The following MAGI2 variants were observed in gnomAD, a reference collection of about 807,000 sequenced individuals.
MAGI2 encodes membrane associated guanylate kinase, WW and PDZ domain containing 2.
MAGI2 carries 35 observed loss-of-function variants against 133.3 expected under a neutral mutation model. The ratio of observed to expected loss-of-function variants is 0.26; its 90% confidence interval spans 0.20 to 0.35. The LOEUF is 0.35. MAGI2 is among the 10% of genes least tolerant of loss of function. The pLI is 1.00. For missense variants in MAGI2, 1,636 were observed against 1,863.4 expected (o/e 0.88, Z 2.25); for synonymous variants, 729 against 710.6 (o/e 1.03, Z -0.41).
At chr7:78,480,063 G>A (rs1792193746) in intron 6 of MAGI2, among the ~76,000 whole-genome samples, 1 of 151,758 alleles carries the variant, frequency 6.6e-6, no homozygotes, top group South Asian at 2.1e-4. Context: ...TCAAAAACTT[G>A]AAATTGTTTC....
intron 2 of MAGI2, among the ~76,000 whole-genome samples, chr7:78,714,760 A>G (rs1395991512): frequency 6.6e-6 from 1 of 152,206 alleles, no homozygotes; most frequent in East Asian, 1.9e-4. Context: ...TAGGAGGGAA[A>G]TGCAAAGGCT....
intron 18 of MAGI2, among the ~76,000 whole-genome samples, chr7:78,128,036 T>C (rs28621952): frequency 0.16 from 25,067 of 152,086 alleles, 2,153 homozygotes; most frequent in South Asian, 0.22. Context: ...ATTGGTAAAA[T>C]TGGAAACATA....
chr7:78,692,181 G>A (rs898847800), intron 2 of MAGI2, among the ~76,000 whole-genome samples: 1 of 152,188 alleles, frequency 6.6e-6, no homozygotes, highest in African/African-American at 2.4e-5. Context: ...TGGATATCAT[G>A]CTGAAAATGA....
intron 21 of MAGI2, chr7:78,072,760 A>C (rs955887639): frequency 2.5e-6 from 1 of 396,318 alleles, no homozygotes; most frequent in African/African-American, 2.1e-5. Context: ...GGCTCATTGC[A>C]TTCTCAACTT....
chr7:78,924,941 A>T (rs898701199), intron 2 of MAGI2, among the ~76,000 whole-genome samples: 7 of 152,020 alleles, frequency 4.6e-5, no homozygotes, highest in African/African-American at 1.7e-4. Context: ...TGCTTTAATA[A>T]TTGTGCTCTC....
chr7:79,072,302 C>T (rs1452959537), intron 1 of MAGI2, among the ~76,000 whole-genome samples: 1 of 152,100 alleles, frequency 6.6e-6, no homozygotes, highest in African/African-American at 2.4e-5. Context: ...CATGACTCTT[C>T]CAAAGTAATC....
chr7:78,767,902 G>A (rs531896867), intron 2 of MAGI2, among the ~76,000 whole-genome samples: 3 of 152,186 alleles, frequency 2.0e-5, no homozygotes, highest in South Asian at 2.1e-4. Flanking sequence ...AGAACTCATC[G>A]GCATCTTAAA....
At chr7:79,190,894 T>C (rs1585161651) in intron 1 of MAGI2, among the ~76,000 whole-genome samples, 1 of 151,820 alleles carries the variant, frequency 6.6e-6, no homozygotes, top group Non-Finnish European at 1.5e-5. Flanking sequence ...TATTCTTTAA[T>C]AGTTATTAGG....
chr7:78,108,803 T>G (rs1818995557), intron 20 of MAGI2, among the ~76,000 whole-genome samples: 1 of 152,016 alleles, frequency 6.6e-6, no homozygotes, highest in Non-Finnish European at 1.5e-5. Flanking sequence ...CAATATATAC[T>G]CAAAAGGATA....
At chr7:78,884,160 CA>C (rs1218295032) in intron 2 of MAGI2, among the ~76,000 whole-genome samples, 1 of 151,978 alleles carries the variant, frequency 6.6e-6, no homozygotes, top group Non-Finnish European at 1.5e-5. Flanking sequence ...ACAAAACAAG[CA>C]AAAAACCAAT....
intron 2 of MAGI2, among the ~76,000 whole-genome samples, chr7:78,897,597 T>C (rs1019664505): frequency 5.9e-5 from 9 of 152,242 alleles, no homozygotes; most frequent in African/African-American, 2.2e-4. Flanking sequence ...TTGCTTAGGA[T>C]TGCCTTGGCT....
At chr7:78,185,803 C>G in intron 12 of MAGI2, 133 bp from the exon 13 acceptor site, 1 of 568,782 alleles carries the variant, frequency 1.8e-6, no homozygotes, top group Non-Finnish European at 3.0e-6. Context: ...TTTTTTTTTC[C>G]TCTAAGATCC....
chr7:79,008,572 A>G (rs568253432), intron 1 of MAGI2, among the ~76,000 whole-genome samples: 70 of 152,290 alleles, frequency 4.6e-4, no homozygotes, highest in African/African-American at 1.6e-3. Context: ...TCCACCCAAT[A>G]TAATATGATA....
intron 1 of MAGI2, among the ~76,000 whole-genome samples, chr7:79,418,830 TACACACAC>T (rs57172659): frequency 0.024 from 3,352 of 137,886 alleles, 81 homozygotes; most frequent in Admixed American, 0.078. Context: ...CCAATACACA[TACACACAC>T]ACACACACAC....
At position 79,403,324 on chromosome 7, in the gene MAGI2, G is replaced by A. The variant is rs189712730; in HGVS notation, c.301+49696C>T. 3.9e-4 allele frequency among the ~76,000 whole-genome samples: 59 copies of A among 152,000 alleles called. 1 individual carries two copies. Among genetic ancestry groups the A allele is most frequent in the South Asian group, 2.9e-3 (14 of 4,822 alleles). ...GGGAGATTTAGTGCATGTTTTCTTCGTATTTAGTGACTCAATATATCAGCT... is the reference window on the plus strand; with the variant it reads ...GGGAGATTTAGTGCATGTTTTCTTCATATTTAGTGACTCAATATATCAGCT... On this transcript the variant is annotated intron_variant, in intron 1 of 21. Transcript: ENST00000354212.
At chr7:79,368,847 CA>C (rs71095400) in intron 1 of MAGI2, among the ~76,000 whole-genome samples, 953 of 75,116 alleles carry the variant, frequency 0.013, 1 homozygote, top group East Asian at 0.063. Flanking sequence ...GACTCCGTCT[CA>C]AAAAAAAAAA....
At chr7:79,031,606 T>G (rs189969144) in intron 1 of MAGI2, among the ~76,000 whole-genome samples, 83 of 152,296 alleles carry the variant, frequency 5.4e-4, no homozygotes, top group African/African-American at 1.9e-3. Context: ...TCTTTATAGT[T>G]CAGCTACAAT....
chr7:78,898,327 T>C (rs1318932259), intron 2 of MAGI2, among the ~76,000 whole-genome samples: 1 of 152,128 alleles, frequency 6.6e-6, no homozygotes, highest in Non-Finnish European at 1.5e-5. Flanking sequence ...GAATGTAAAT[T>C]GTTCTATCAT....
At chr7:79,075,362 G>A (rs1815368456) in intron 1 of MAGI2, among the ~76,000 whole-genome samples, 1 of 152,130 alleles carries the variant, frequency 6.6e-6, no homozygotes, top group Non-Finnish European at 1.5e-5. Context: ...ACATGAGTTG[G>A]AGTCAGCTTG....
Sources: allele counts gnomAD v4.1 joint callset (sites outside exome capture counted in the v4.1 genomes callset), GRCh38; gene constraint gnomAD v4.1.1; transcripts MANE v1.5; gene names NCBI Gene and HGNC (gene_info 2026-07-23, HGNC 2026-07-21).